The following INTS11 variants were observed in gnomAD, a reference collection of about 807,000 sequenced individuals.
INTS11 encodes CPSF3-like protein.
Under a neutral mutation model 78.6 loss-of-function variants are expected in INTS11, and 77 were observed. The observed-to-expected ratio is 0.98, with a 90% CI of 0.81 to 1.18. INTS11 has a LOEUF of 1.18. Among genes scored for constraint, INTS11 ranks in the 50% most tolerant of loss-of-function variants. The probability of loss-of-function intolerance (pLI) is 0.00; values close to 1 mark genes in which losing one functional copy is unlikely to be tolerated. For synonymous variants in INTS11, 441 were observed against 326.9 expected, an observed-to-expected ratio of 1.35 and a Z score of -3.77; for missense variants, 875 against 825.9, an observed-to-expected ratio of 1.06 and a Z score of -0.73.
chr1:1,311,753 G>T lies in INTS11; in HGVS notation c.*106C>A. 1 of 1,166,050 alleles carries T rather than the reference G, an allele frequency of 8.6e-7. No individual in the cohort carries two copies. The highest frequency in any genetic ancestry group is 1.4e-5 in the South Asian group (1 of 69,086). The allele number at this position is 1,166,050 out of a possible 1,614,324, so 72.2% of individuals were successfully genotyped here. On this transcript the variant is annotated 3_prime_UTR_variant, in exon 17 of 17. Transcript: ENST00000435064. ...ACAAGGCCTCTGTCCCCAGGGATGG[G>T]ACCTGCAGGGTCTGTTCACCCAGGG...
At chr1:1,320,554 G>A (rs1642883957) in intron 2 of INTS11, 25 bp from the exon 3 acceptor site, 3 of 1,612,520 alleles carry the variant, frequency 1.9e-6, no homozygotes, top group Non-Finnish European at 2.5e-6. Context: ...GGGGTTTCAG[G>A]TTGCACAGTG....
At chr1:1,321,139 C>G (rs754680420) in intron 1 of INTS11, 46 bp from the exon 2 acceptor site, 1 of 1,466,338 alleles carries the variant, frequency 6.8e-7, no homozygotes, top group South Asian at 1.2e-5. Flanking sequence ...CCCCCGCCCC[C>G]TGTGCTGCCT....
rs1176782006 is a variant in INTS11, at chr1:1,315,389, C to T, written c.563+15G>A. 6 of 1,613,228 alleles carry T rather than the reference C, an allele frequency of 3.7e-6. No individual in the cohort carries two copies. Among genetic ancestry groups the T allele is most frequent in the African/African-American group, 1.3e-5 (1 of 74,854 alleles). On this transcript the variant is annotated intron_variant, in intron 6 of 16. Coordinates refer to ENST00000435064, the MANE Select transcript of INTS11 (RefSeq NM_017871.6). ...GGGGGGCCCACGGGACAAAAAGACA[C>T]CTCAGCCTACTTACCCTAAGTGTCG...
At chr1:1,317,849 T>TA (rs1642709429) in intron 4 of INTS11, 2 of 152,162 alleles carry the variant, frequency 1.3e-5, no homozygotes, top group Non-Finnish European at 2.9e-5. Context: ...AGTAAATCCA[T>TA]TTGCAGGCAA....
At chr1:1,323,736 T>G (rs1034554808) in intron 1 of INTS11, among the ~76,000 whole-genome samples, 2 of 149,818 alleles carry the variant, frequency 1.3e-5, no homozygotes, top group African/African-American at 2.5e-5. Flanking sequence ...GAGTACATAT[T>G]TGCGTTTTTT....
At position 1,315,447 on chromosome 1, in the gene INTS11, C is replaced by G. The variant is rs200423613; in HGVS notation, c.529-9G>C. On this transcript the variant is annotated splice_polypyrimidine_tract_variant and intron_variant, in intron 5 of 16. Coordinates refer to ENST00000435064, the MANE Select transcript of INTS11 (RefSeq NM_017871.6). ...GTCATGTTATAATCACCCTGGTGAA[C>G]GATCAAGGATGCCATGAGGAGGGTG... 3.5e-5 allele frequency: 56 copies of G among 1,613,124 alleles called. 1 individual carries two copies. The South Asian group carries it at 5.5e-4, about 16-fold the overall frequency.
At chr1:1,315,112 G>A (rs1475342234) in intron 6 of INTS11, 150 bp from the exon 7 acceptor site, 2 of 1,003,540 alleles carry the variant, frequency 2.0e-6, no homozygotes, top group Non-Finnish European at 2.9e-6. Context: ...GCTGTGGGCA[G>A]CACACTTGGG....
intron 1 of INTS11, among the ~76,000 whole-genome samples, chr1:1,324,107 GGGGGCTGAGGGTCTGCGGGGCTGA>G (rs1329100271): frequency 1.2e-5 from 1 of 86,404 alleles, no homozygotes; most frequent in East Asian, 4.0e-4. Flanking sequence ...TGGGGAGCTG[GGGGGCTGAGGGTCTGCGGGGCTGA>G]GGGGCTGGGG....
chr1:1,324,511 C>T (rs1027895014), intron 1 of INTS11, 70 bp downstream of exon 1: 51 of 1,472,308 alleles, frequency 3.5e-5, no homozygotes, highest in Admixed American at 1.1e-4. Context: ...CGGGAGGGAG[C>T]GGGGCGCCCA....
intron 1 of INTS11, chr1:1,323,068 C>A (rs1241735034): frequency 1.4e-6 from 2 of 1,472,796 alleles, no homozygotes; most frequent in African/African-American, 2.8e-5. Context: ...CAGGGGAGGG[C>A]AGTGGGGCCC....
In INTS11 at chr1:1,315,953, G is replaced by A. The variant is rs150705694; in HGVS notation, c.430-335C>T. 2.6e-5 allele frequency among the ~76,000 whole-genome samples: 4 copies of A among 152,252 alleles called. No homozygotes were observed. In the East Asian group the frequency reaches 5.8e-4, roughly 22 times the overall value. ...ACGTGGACAAAGAACGAAAGACAAC[G>A]GACAAAAAACTGAAGGGACCTGAAA... On this transcript the variant is annotated intron_variant, in intron 4 of 16. Coordinates refer to ENST00000435064, the MANE Select transcript of INTS11 (RefSeq NM_017871.6).
At chr1:1,319,590 T>C (rs1642825949) in intron 3 of INTS11, 66 bp from the exon 4 acceptor site, 3 of 1,185,444 alleles carry the variant, frequency 2.5e-6, no homozygotes, top group Non-Finnish European at 3.5e-6. Context: ...CGCTCTGGGC[T>C]TGTGGGTCAC....
Position 1,324,653 on chromosome 1 carries a change from T to A in INTS11, c.-45A>T. The A allele has an allele frequency of 6.3e-7, 1 of 1,591,362 alleles. No homozygotes were observed. Among genetic ancestry groups the A allele is most frequent in the South Asian group, 1.1e-5 (1 of 88,734 alleles). Reference sequence around the variant, plus strand: ...GACCCGCGAGGCCCGCCTGCGGTGATGCACTGCGCAGGCGCAACCACCTCG... The same window carrying A: ...GACCCGCGAGGCCCGCCTGCGGTGAAGCACTGCGCAGGCGCAACCACCTCG... On this transcript the variant is annotated 5_prime_UTR_variant, in exon 1 of 17. Transcript: ENST00000435064.
Position 1,312,213 on chromosome 1 carries a change from G to GGGGGGGGGGC in INTS11, c.1607+12_1607+13insGCCCCCCCCC, listed in dbSNP as rs1557628693. The GGGGGGGGGGC allele has an allele frequency of 4.3e-5, 40 of 934,822 alleles. No homozygotes were observed. Among genetic ancestry groups the GGGGGGGGGGC allele is most frequent in the South Asian group, 5.9e-5 (4 of 67,426 alleles). 57.9% of individuals were successfully genotyped at this position (934,822 alleles called of 1,614,324 possible). A position where few individuals can be genotyped will look rare whatever the true frequency, so the allele number is the denominator to read the frequency against. ...CCCAAGGGAGTGGGGGGGGGGCGGG[G>GGGGGGGGGGC]CCGGGCGCCCACCTCTTGAGGTGGC... On this transcript the variant is annotated intron_variant, in intron 15 of 16. Transcript: ENST00000435064.
chr1:1,321,917 C>T, intron 1 of INTS11: 2 of 1,309,156 alleles, frequency 1.5e-6, no homozygotes, highest in Non-Finnish European at 2.0e-6. Context: ...CCTCCCCCTG[C>T]CAGCCACTCG....
chr1:1,320,912 C>G, intron 2 of INTS11, 84 bp downstream of exon 2: 1 of 1,219,272 alleles, frequency 8.2e-7, no homozygotes, highest in African/African-American at 1.5e-5. Flanking sequence ...GCCCACCACC[C>G]CACTGTCCCG....
chr1:1,320,337 G>A, intron 3 of INTS11, 119 bp downstream of exon 3: 3 of 894,792 alleles, frequency 3.4e-6, no homozygotes, highest in South Asian at 1.4e-5. Flanking sequence ...GGGCCTAGAA[G>A]CCCCCTGAGG....
At chr1:1,320,309 G>A (rs757999148) in intron 3 of INTS11, 147 bp downstream of exon 3, 2 of 726,668 alleles carry the variant, frequency 2.8e-6, no homozygotes, top group African/African-American at 1.8e-5. Context: ...CAGTAAGGCA[G>A]GCAGGGAGCA....
rs773382105 is a variant in INTS11 at position 1,321,098 on chromosome 1, T to A, written c.29-5A>T. ...GGCCCACGTCCTGGCCGGCCCCTAC[T>A]CGAGGGAGGGCAGATGAGTCACTGC... On this transcript the variant is annotated splice_polypyrimidine_tract_variant and splice_region_variant and intron_variant, in intron 1 of 16. Coordinates refer to ENST00000435064, the MANE Select transcript of INTS11 (RefSeq NM_017871.6). 1.2e-6 allele frequency: 2 copies of A among 1,607,418 alleles called. No individual in the cohort carries two copies. Among genetic ancestry groups the A allele is most frequent in the Non-Finnish European group, 1.7e-6 (2 of 1,176,192 alleles).
Sources: allele counts gnomAD v4.1 joint callset (sites outside exome capture counted in the v4.1 genomes callset), GRCh38; gene constraint gnomAD v4.1.1; transcripts MANE v1.5; gene names NCBI Gene and HGNC (gene_info 2026-07-23, HGNC 2026-07-21).